PRKN: variants seen among roughly 807,000 people sequenced by gnomAD.
PRKN encodes parkin RBR E3 ubiquitin protein ligase.
PRKN carries 56 observed loss-of-function variants against 59.5 expected under a neutral mutation model. The ratio of observed to expected loss-of-function variants is 0.94; its 90% CI spans 0.76 to 1.18. The LOEUF is 1.18. Among genes scored for constraint, PRKN ranks in the 50% most tolerant of loss-of-function variants. The probability of loss-of-function intolerance (pLI) is 0.00; values close to 1 mark genes in which losing one functional copy is unlikely to be tolerated. For missense variants in PRKN, 657 were observed against 596.4 expected, an observed-to-expected ratio of 1.10 and a Z score of -1.06; for synonymous variants, 250 against 222.1, an observed-to-expected ratio of 1.13 and a Z score of -1.12.
At chr6:161,625,565 T>TA (rs1011147614) in intron 7 of PRKN, among the ~76,000 whole-genome samples, 3 of 152,286 alleles carry the variant, frequency 2.0e-5, no homozygotes, top group Admixed American at 6.5e-5. Flanking sequence ...AGTATAATTT[T>TA]AAAAAATCAA....
At chr6:162,591,944 T>G (rs1366391771) in intron 1 of PRKN, among the ~76,000 whole-genome samples, 3 of 151,492 alleles carry the variant, frequency 2.0e-5, no homozygotes, top group Admixed American at 6.6e-5. Context: ...ATAATAGCAG[T>G]TAGTATACAG....
rs1011532805 is a variant in PRKN at position 161,575,934 on chromosome 6, C to G, written c.872-6518G>C. 2.0e-5 allele frequency among the ~76,000 whole-genome samples: 3 copies of G among 152,150 alleles called. No individual in the cohort carries two copies. The highest frequency in any genetic ancestry group is 4.4e-5 in the Non-Finnish European group (3 of 68,038). ...TTCAATGTGATCGAAGACAATGCAGCGAGACTGAACACTGACCTCTGAGCA... is the reference window on the plus strand; with the variant it reads ...TTCAATGTGATCGAAGACAATGCAGGGAGACTGAACACTGACCTCTGAGCA... On this transcript the variant is annotated intron_variant, in intron 7 of 11. Transcript: ENST00000366898. This position sits in a 1 kb window ranked among gnomAD's most constrained non-coding sequence, Gnocchi z 4.6.
chr6:162,351,110 A>G (rs1224978377), intron 2 of PRKN, among the ~76,000 whole-genome samples: 1 of 152,156 alleles, frequency 6.6e-6, no homozygotes, highest in Non-Finnish European at 1.5e-5. Context: ...GGATCACTTG[A>G]GCCTAAGGAG....
intron 1 of PRKN, among the ~76,000 whole-genome samples, chr6:162,520,016 A>G (rs1464969430): frequency 6.6e-6 from 1 of 152,188 alleles, no homozygotes. Flanking sequence ...TTGGAAGGCC[A>G]AGGCAGGAGG....
At chr6:162,090,685 G>A (rs949872523) in intron 4 of PRKN, among the ~76,000 whole-genome samples, 2 of 152,196 alleles carry the variant, frequency 1.3e-5, no homozygotes, top group African/African-American at 2.4e-5. Flanking sequence ...AAAGAGCCGT[G>A]ATAACTTTGC....
intron 7 of PRKN, among the ~76,000 whole-genome samples, chr6:161,622,627 T>A (rs1347676784): frequency 6.6e-6 from 1 of 152,214 alleles, no homozygotes; most frequent in East Asian, 1.9e-4. Context: ...GTTCTGTTCC[T>A]CTTCTGTCTC....
At chr6:161,853,118 C>G (rs1418822502) in intron 6 of PRKN, among the ~76,000 whole-genome samples, 1 of 152,140 alleles carries the variant, frequency 6.6e-6, no homozygotes, top group Non-Finnish European at 1.5e-5. Flanking sequence ...AACTTGAGAA[C>G]TGAAAGTTGG....
chr6:162,540,632 C>T (rs940352914), intron 1 of PRKN, among the ~76,000 whole-genome samples: 4 of 151,818 alleles, frequency 2.6e-5, no homozygotes, highest in Non-Finnish European at 4.4e-5. Context: ...CATGGTTAAA[C>T]CCCGCCTCTA....
chr6:162,067,120 G>A (rs754624623), intron 4 of PRKN, among the ~76,000 whole-genome samples: 110 of 152,180 alleles, frequency 7.2e-4, no homozygotes, highest in Non-Finnish European at 1.3e-3. Flanking sequence ...CAAGTTCAAG[G>A]TTATACAACG....
At chr6:162,375,219 C>G (rs1325900083) in intron 2 of PRKN, among the ~76,000 whole-genome samples, 4 of 151,750 alleles carry the variant, frequency 2.6e-5, no homozygotes, top group African/African-American at 9.7e-5. Flanking sequence ...ATCTTTAGGC[C>G]AAACGTTATA....
At chr6:162,050,677 G>A (rs1343062715) in intron 5 of PRKN, among the ~76,000 whole-genome samples, 1 of 152,092 alleles carries the variant, frequency 6.6e-6, no homozygotes, top group Non-Finnish European at 1.5e-5. Context: ...AATGACCTTG[G>A]CACAGGGACC....
At chr6:161,612,012 C>G (rs939385705) in intron 7 of PRKN, among the ~76,000 whole-genome samples, 5 of 152,164 alleles carry the variant, frequency 3.3e-5, no homozygotes, top group African/African-American at 9.7e-5. Context: ...CTCCATTAAG[C>G]CAAAGCATAA....
chr6:161,403,085 C>T (rs1787118714), intron 9 of PRKN, among the ~76,000 whole-genome samples: 1 of 152,124 alleles, frequency 6.6e-6, no homozygotes, highest in African/African-American at 2.4e-5. Flanking sequence ...TCCTGAACTC[C>T]TGCAAAGCTG....
At chr6:162,311,233 A>G (rs2128118019) in intron 2 of PRKN, among the ~76,000 whole-genome samples, 1 of 152,278 alleles carries the variant, frequency 6.6e-6, no homozygotes, top group African/African-American at 2.4e-5. Flanking sequence ...AGATTTGTTA[A>G]AATATTTGTT....
In PRKN at chr6:162,521,800, T is replaced by C. The variant is rs545376287; in HGVS notation, c.8-78327A>G. On this transcript the variant is annotated intron_variant, in intron 1 of 11. Transcript: ENST00000366898. Reference sequence around the variant, plus strand: ...AGCACAAAATATTATATGGTTCAAATTGTTAAAAAATCACAGCTTACTTAA... The same window carrying C: ...AGCACAAAATATTATATGGTTCAAACTGTTAAAAAATCACAGCTTACTTAA... 3.3e-5 allele frequency among the ~76,000 whole-genome samples: 5 copies of C among 152,238 alleles called. No individual in the cohort carries two copies. The East Asian group carries it at 5.8e-4, about 18-fold the overall frequency.
intron 6 of PRKN, among the ~76,000 whole-genome samples, chr6:161,807,515 C>T (rs1232070436): frequency 2.0e-5 from 3 of 152,220 alleles, no homozygotes; most frequent in African/African-American, 7.2e-5. Flanking sequence ...GATTCTCTCA[C>T]AGCTCTGGAG....
intron 1 of PRKN, among the ~76,000 whole-genome samples, chr6:162,607,047 AC>A (rs1447584088): frequency 6.7e-6 from 1 of 149,590 alleles, no homozygotes; most frequent in African/African-American, 2.4e-5. Flanking sequence ...CTGGAAGAAG[AC>A]CCAGCTTGGG....
chr6:161,432,355 A>ATTTTTTTTT (rs1188841520), intron 9 of PRKN, among the ~76,000 whole-genome samples: 2 of 92,184 alleles, frequency 2.2e-5, no homozygotes, highest in African/African-American at 4.5e-5. Context: ...ACTTCCTCTG[A>ATTTTTTTTT]TTTTTTTTTT....
In PRKN at chr6:162,727,698, A is replaced by AGGAACAGGCCC; in HGVS notation, c.-41_-31dup. On this transcript the variant is annotated 5_prime_UTR_variant, in exon 1 of 12. Transcript: ENST00000366898. ...ACTGGGTAGGTGGCGGCTGCGGGCC[A>AGGAACAGGCCC]GGAACAGGCCCATGCGCGCAGCGGC... 6.4e-7 allele frequency: 1 copy of AGGAACAGGCCC among 1,566,210 alleles called. No individual in the cohort carries two copies. Among genetic ancestry groups the AGGAACAGGCCC allele is most frequent in the Non-Finnish European group, 8.6e-7 (1 of 1,156,514 alleles).
Sources: allele counts gnomAD v4.1 joint callset (sites outside exome capture counted in the v4.1 genomes callset), GRCh38; gene constraint gnomAD v4.1.1; non-coding constraint Gnocchi (gnomAD v3.1); transcripts MANE v1.5; gene names NCBI Gene and HGNC (gene_info 2026-07-23, HGNC 2026-07-21).